The following CNTNAP4 variants were observed in gnomAD, a reference collection of about 807,000 sequenced individuals.
CNTNAP4 encodes contactin associated protein family member 4.
A neutral mutation model predicts 148.4 loss-of-function variants in CNTNAP4; 98 were observed. That is an observed-to-expected ratio of 0.66 (90% CI 0.56 to 0.78). The LOEUF is 0.78. CNTNAP4 is among the 30% of genes least tolerant of loss of function. The probability of loss-of-function intolerance (pLI) is 0.00; values close to 1 mark genes in which losing one functional copy is unlikely to be tolerated. For missense variants in CNTNAP4, 1,935 were observed against 1,565.6 expected, an observed-to-expected ratio of 1.24 and a Z score of -3.98; for synonymous variants, 730 against 565.1, an observed-to-expected ratio of 1.29 and a Z score of -4.14.
At chr16:76,402,963 C>T (rs1054145976) in intron 3 of CNTNAP4, among the ~76,000 whole-genome samples, 3 of 150,668 alleles carry the variant, frequency 2.0e-5, no homozygotes, top group African/African-American at 4.9e-5. Flanking sequence ...TGCAATTAAG[C>T]AATCAATTTT....
Position 76,553,337 on chromosome 16 carries a change from G to C in CNTNAP4, c.3497G>C (p.Gly1166Ala), listed in dbSNP as rs770783983. The C allele has an allele frequency of 3.7e-6, 6 of 1,612,940 alleles. No individual in the cohort carries two copies. The highest frequency in any genetic ancestry group is 8.5e-7 in the Non-Finnish European group (1 of 1,179,480). ...CTGGCAGGTGCGCAGGGCTTCACAG[G>C]CTGCCTCTCTGCAGTGCAGCTCAGC... ...TALAGAQGFT[G>A]CLSAVQLSHV... The change falls in exon 22 of 24, where the codon GGC (glycine) becomes GCC (alanine). Residue 1166 changes from glycine to alanine, a missense_variant. Gly to Ala is a moderately conservative substitution (Grantham distance 60). Coordinates refer to ENST00000611870, the MANE Select transcript of CNTNAP4 (RefSeq NM_033401.5).
intron 3 of CNTNAP4, among the ~76,000 whole-genome samples, chr16:76,398,132 C>T (rs949137958): frequency 2.0e-5 from 3 of 150,540 alleles, no homozygotes; most frequent in East Asian, 2.0e-4. Context: ...AAGCATCCAG[C>T]GTGGCAGAAA....
chr16:76,290,041 A>G (rs1959051070), intron 1 of CNTNAP4, among the ~76,000 whole-genome samples: 1 of 152,172 alleles, frequency 6.6e-6, no homozygotes, highest in Non-Finnish European at 1.5e-5. Flanking sequence ...ATATGTTATC[A>G]TTAATAATGA....
chr16:76,468,343 G>A lies in CNTNAP4; in HGVS notation c.1655+820G>A, dbSNP rs140880166. On this transcript the variant is annotated intron_variant, in intron 10 of 23. Transcript: ENST00000611870. ...ACAAAAATTAGCTGGGCATGGTGGC[G>A]GATGCCTGTAATCCCAGCTACTCGG... 1.1e-3 allele frequency among the ~76,000 whole-genome samples: 169 copies of A among 151,944 alleles called. 2 individuals are homozygous for A. The East Asian group carries it at 0.028, about 25-fold the overall frequency.
intron 2 of CNTNAP4, among the ~76,000 whole-genome samples, chr16:76,317,940 G>A (rs925374523): frequency 6.6e-6 from 1 of 152,162 alleles, no homozygotes; most frequent in African/African-American, 2.4e-5. Flanking sequence ...ATGGGAAACT[G>A]GGGGGTGTTT....
chr16:76,535,315 T>C (rs767592688), intron 17 of CNTNAP4, among the ~76,000 whole-genome samples: 5 of 152,166 alleles, frequency 3.3e-5, no homozygotes, highest in Non-Finnish European at 7.4e-5. Context: ...AATTTAAAGA[T>C]CAATAAATAT....
chr16:76,290,071 G>A (rs1222416878), intron 1 of CNTNAP4, among the ~76,000 whole-genome samples: 1 of 152,032 alleles, frequency 6.6e-6, no homozygotes, highest in Non-Finnish European at 1.5e-5. Flanking sequence ...CTTTTGCAGT[G>A]GGCTCTGTGG....
intron 10 of CNTNAP4, among the ~76,000 whole-genome samples, chr16:76,468,369 G>T (rs375333151): frequency 1.3e-5 from 2 of 152,190 alleles, no homozygotes; most frequent in African/African-American, 4.8e-5. Flanking sequence ...AGCTACTCGG[G>T]AGGCTGAGGC....
At chr16:76,355,197 T>C (rs1183023782) in intron 2 of CNTNAP4, 121 bp from the exon 3 acceptor site, 1 of 558,418 alleles carries the variant, frequency 1.8e-6, no homozygotes, top group Non-Finnish European at 2.9e-6. Context: ...ATAAGAAGTT[T>C]CATATTTTGG....
At chr16:76,508,753 C>CTTT (rs373123073) in intron 15 of CNTNAP4, among the ~76,000 whole-genome samples, 2 of 70,964 alleles carry the variant, frequency 2.8e-5, no homozygotes, top group Non-Finnish European at 7.9e-5. Context: ...AAAATCATAA[C>CTTT]TTTTTTTTTT....
chr16:76,277,469 AGAGAGAGAGG>A lies in CNTNAP4; in HGVS notation c.-185_-176del, dbSNP rs1958518564. On this transcript the variant is annotated 5_prime_UTR_variant, in exon 1 of 24. Coordinates refer to ENST00000611870, the MANE Select transcript of CNTNAP4 (RefSeq NM_033401.5). ...AGAAAAGAGAGAGACAGAGACGGGG[AGAGAGAGAGG>A]GAGAGAGAAGAGAGGGAGGAGGGAA... 1 of 526,644 alleles carries A rather than the reference AGAGAGAGAGG, an allele frequency of 1.9e-6. No homozygotes were observed. Among genetic ancestry groups the A allele is most frequent in the Non-Finnish European group, 3.4e-6 (1 of 295,516 alleles). 32.6% of individuals were successfully genotyped at this position (526,644 alleles called of 1,614,324 possible).
intron 1 of CNTNAP4, among the ~76,000 whole-genome samples, chr16:76,299,779 A>T (rs1040431150): frequency 6.6e-6 from 1 of 152,208 alleles, no homozygotes; most frequent in Admixed American, 6.5e-5. Flanking sequence ...GATTAAGAAA[A>T]TGTGGCACAT....
chr16:76,329,013 C>A (rs1314362763), intron 2 of CNTNAP4, among the ~76,000 whole-genome samples: 5 of 152,150 alleles, frequency 3.3e-5, no homozygotes, highest in African/African-American at 9.7e-5. Context: ...TGCAACTTTT[C>A]TGTAACTCTA....
chr16:76,516,737 T>C (rs2083267448), intron 15 of CNTNAP4, among the ~76,000 whole-genome samples: 1 of 152,226 alleles, frequency 6.6e-6, no homozygotes. Flanking sequence ...AGATGAACTA[T>C]TGATACAGAA....
At chr16:76,430,053 C>A (rs1448133010) in intron 4 of CNTNAP4, among the ~76,000 whole-genome samples, 1 of 152,024 alleles carries the variant, frequency 6.6e-6, no homozygotes, top group Admixed American at 6.6e-5. Flanking sequence ...GGCATGAGTA[C>A]CTTATGGGAA....
intron 3 of CNTNAP4, among the ~76,000 whole-genome samples, chr16:76,406,193 G>T (rs183302044): frequency 6.6e-6 from 1 of 152,126 alleles, no homozygotes; most frequent in Admixed American, 6.6e-5. Flanking sequence ...AATATTTCAA[G>T]CTTTTAAATT....
intron 22 of CNTNAP4, 24 bp from the exon 23 acceptor site, chr16:76,553,812 C>T: frequency 3.3e-6 from 5 of 1,531,056 alleles, no homozygotes; most frequent in Non-Finnish European, 4.5e-6. Flanking sequence ...ATCACCTTCC[C>T]CCTTTGTTGT....
intron 2 of CNTNAP4, among the ~76,000 whole-genome samples, chr16:76,335,576 C>G (rs1377267642): frequency 6.6e-6 from 1 of 152,152 alleles, no homozygotes; most frequent in Non-Finnish European, 1.5e-5. Context: ...GAAGCCCTGT[C>G]CTCAAACTAA....
At chr16:76,542,146 A>G (rs1257827389) in intron 21 of CNTNAP4, among the ~76,000 whole-genome samples, 1 of 152,238 alleles carries the variant, frequency 6.6e-6, no homozygotes, top group East Asian at 1.9e-4. Flanking sequence ...CTTCAGATGC[A>G]TAGAAAAACA....
Sources: allele counts gnomAD v4.1 joint callset (sites outside exome capture counted in the v4.1 genomes callset), GRCh38; gene constraint gnomAD v4.1.1; transcripts MANE v1.5; gene names NCBI Gene and HGNC (gene_info 2026-07-23, HGNC 2026-07-21).